GOSR1: variants seen among roughly 807,000 people sequenced by gnomAD.
GOSR1 encodes the protein golgi SNAP receptor complex member 1.
GOSR1 carries 21 observed loss-of-function variants against 35.5 expected under a neutral mutation model. That is an observed-to-expected ratio of 0.59 (90% CI 0.42 to 0.85). The LOEUF is 0.85. Among genes scored for constraint, GOSR1 ranks in the 40% least tolerant of loss-of-function variants. The probability of loss-of-function intolerance (pLI) is 0.00; values close to 1 mark genes in which losing one functional copy is unlikely to be tolerated. For missense variants in GOSR1, 285 were observed against 309.6 expected (o/e 0.92, Z 0.60); for synonymous variants, 94 against 106.6 (o/e 0.88, Z 0.73).
intron 6 of GOSR1, among the ~76,000 whole-genome samples, chr17:30,493,082 C>T (rs532598101): frequency 1.3e-5 from 2 of 152,072 alleles, no homozygotes; most frequent in Middle Eastern, 3.4e-3. Context: ...CAGCCGCTTG[C>T]CTCCCGGGTT....
rs1331058639 is a variant in GOSR1 at position 30,523,370 on chromosome 17, C to T, written c.*992C>T. On this transcript the variant is annotated 3_prime_UTR_variant, in exon 9 of 9. Transcript: ENST00000451249. ...GCGACCCCGTCTGGGAGGTGAGGAG[C>T]GTCTCTGTCTGGCCACCCCGTCTGA... 1.7e-5 allele frequency: 3 copies of T among 174,958 alleles called. No individual in the cohort carries two copies. The Admixed American group carries it at 1.9e-4, about 11-fold the overall frequency. The allele number at this position is 174,958 out of a possible 1,614,324, so 10.8% of individuals were successfully genotyped here.
At chr17:30,483,623 A>G (rs1385938467) in intron 2 of GOSR1, among the ~76,000 whole-genome samples, 2 of 152,192 alleles carry the variant, frequency 1.3e-5, no homozygotes, top group African/African-American at 4.8e-5. Flanking sequence ...CTGGGCATTT[A>G]TCTGTGTCCA....
chr17:30,480,315 A>G (rs992557238), intron 1 of GOSR1: 14 of 152,230 alleles, frequency 9.2e-5, no homozygotes, highest in Admixed American at 4.6e-4. Flanking sequence ...ATCTCAAAAA[A>G]AAAAAGAAAA....
At chr17:30,509,770 C>T (rs1019610100) in intron 6 of GOSR1, among the ~76,000 whole-genome samples, 18 of 152,102 alleles carry the variant, frequency 1.2e-4, no homozygotes, top group African/African-American at 4.1e-4. Flanking sequence ...TCTTAAGATT[C>T]TTGAATTCTA....
At chr17:30,481,368 G>T in intron 2 of GOSR1, 111 bp downstream of exon 2, 1 of 717,526 alleles carries the variant, frequency 1.4e-6, no homozygotes, top group Non-Finnish European at 2.2e-6. Flanking sequence ...TGAATTTTTG[G>T]TGTTTTGTTT....
intron 7 of GOSR1, among the ~76,000 whole-genome samples, chr17:30,516,894 A>G (rs1967839893): frequency 6.6e-6 from 1 of 152,160 alleles, no homozygotes; most frequent in Admixed American, 6.5e-5. Flanking sequence ...TTGTATTTTT[A>G]GTAGAGAAGA....
chr17:30,505,480 G>A (rs901098905), intron 6 of GOSR1, among the ~76,000 whole-genome samples: 2 of 152,186 alleles, frequency 1.3e-5, no homozygotes, highest in African/African-American at 4.8e-5. Context: ...GCACTTTACA[G>A]ATACTATTTT....
chr17:30,491,085 G>A (rs1915012904), intron 5 of GOSR1, among the ~76,000 whole-genome samples: 1 of 152,160 alleles, frequency 6.6e-6, no homozygotes, highest in Admixed American at 6.5e-5. Flanking sequence ...TCAACAGTAA[G>A]ATTGTTGTAA....
At chr17:30,515,709 T>C (rs1395593551) in intron 7 of GOSR1, among the ~76,000 whole-genome samples, 4 of 152,228 alleles carry the variant, frequency 2.6e-5, no homozygotes, top group African/African-American at 9.6e-5. Flanking sequence ...CTCATAATTT[T>C]ATTGAGGTGC....
chr17:30,525,510 C>A lies in GOSR1; in HGVS notation c.*3132C>A, dbSNP rs1166068609. The A allele has an allele frequency of 1.3e-5, 2 of 151,956 alleles. No homozygotes were observed. The highest frequency in any genetic ancestry group is 2.9e-5 in the Non-Finnish European group (2 of 67,986). 9.4% of individuals were successfully genotyped at this position (151,956 alleles called of 1,614,324 possible). ...CTTTTCTCCCTTGACACTTTATTAT[C>A]TTTGATTTTTCAAAGGGCCTTGATT... On this transcript the variant is annotated 3_prime_UTR_variant, in exon 9 of 9. Transcript: ENST00000451249.
At chr17:30,487,272 A>G (rs933304648) in intron 4 of GOSR1, among the ~76,000 whole-genome samples, 12 of 152,202 alleles carry the variant, frequency 7.9e-5, no homozygotes, top group African/African-American at 2.9e-4. Flanking sequence ...GAGATTTTAA[A>G]AAAACAATTC....
At chr17:30,484,508 T>C (rs1043004237) in intron 3 of GOSR1, among the ~76,000 whole-genome samples, 155 bp from the exon 4 acceptor site, 29 of 149,324 alleles carry the variant, frequency 1.9e-4, no homozygotes, top group African/African-American at 7.2e-4. Flanking sequence ...GGGGGAATGC[T>C]GAATTCTTAC....
At chr17:30,504,176 G>A (rs1231213763) in intron 6 of GOSR1, among the ~76,000 whole-genome samples, 11 of 151,944 alleles carry the variant, frequency 7.2e-5, no homozygotes, top group African/African-American at 1.7e-4. Context: ...ACAGGCGCCC[G>A]CCACCACGCC....
intron 6 of GOSR1, among the ~76,000 whole-genome samples, chr17:30,501,834 A>G (rs1447067628): frequency 1.3e-5 from 2 of 152,244 alleles, no homozygotes; most frequent in Non-Finnish European, 2.9e-5. Context: ...CTTACCATAC[A>G]TTCTAGCAGT....
At position 30,500,306 on chromosome 17, in the gene GOSR1, TTTTG is replaced by T. The variant is rs149125006; in HGVS notation, c.509+7569_509+7572del. ...CTTTCAGGAGTTTTAGTTTTAGCTT[TTTTG>T]TTTGTTTGTTTGTTTTTAAACCTGC... On this transcript the variant is annotated intron_variant, in intron 6 of 8. Coordinates refer to ENST00000451249, the MANE Select transcript of GOSR1 (RefSeq NM_001007025.2). Among the ~76,000 whole-genome samples, 819 of 152,334 alleles carry T rather than the reference TTTTG, an allele frequency of 5.4e-3. 10 individuals carry two copies. The highest frequency in any genetic ancestry group is 0.017 in the African/African-American group (703 of 41,576).
intron 8 of GOSR1, 39 bp from the exon 9 acceptor site, chr17:30,522,215 G>A (rs781164092): frequency 6.4e-7 from 1 of 1,553,694 alleles, no homozygotes; most frequent in South Asian, 1.2e-5. Flanking sequence ...CGCCAGAGAG[G>A]CTTCTTCCAA....
rs769751917 is a variant in GOSR1 at position 30,484,668 on chromosome 17, A to C, written c.240A>C (p.Thr80=). ...IEIEQLLARL[T]GVNDKMAEYT... ...TTTTTTTTCTTTATTTCTAGCTTAC[A>C]GGGGTAAATGATAAAATGGCAGAAT... is the stretch of plus-strand genomic sequence containing the variant. Residue 80 remains threonine, a synonymous_variant, in exon 4 of 9, where the codon ACA becomes ACC. Transcript: ENST00000451249. 1.3e-6 allele frequency: 2 copies of C among 1,486,806 alleles called. No individual in the cohort carries two copies. The highest frequency in any genetic ancestry group is 4.5e-5 in the East Asian group (2 of 44,184). The allele number at this position is 1,486,806 out of a possible 1,614,324, so 92.1% of individuals were successfully genotyped here.
At chr17:30,492,465 G>A (rs771487341) in intron 5 of GOSR1, among the ~76,000 whole-genome samples, 1 of 152,212 alleles carries the variant, frequency 6.6e-6, no homozygotes, top group Non-Finnish European at 1.5e-5. Context: ...ACAGTAAACT[G>A]TTGGGCCTAA....
intron 7 of GOSR1, among the ~76,000 whole-genome samples, chr17:30,519,360 T>G (rs1323447038): frequency 2.6e-5 from 4 of 152,200 alleles, no homozygotes; most frequent in Non-Finnish European, 5.9e-5. Context: ...CCCAGCTGTT[T>G]TAGCCACGTT....
Sources: gnomAD v4.1 joint callset for allele counts (sites outside exome capture counted in the v4.1 genomes callset) on GRCh38, gnomAD v4.1.1 for gene constraint, MANE v1.5 for transcripts, NCBI Gene and HGNC (gene_info 2026-07-23, HGNC 2026-07-21) for gene names.